The following SPATA13 variants were observed in gnomAD, a reference collection of about 807,000 sequenced individuals.
SPATA13 encodes the protein spermatogenesis-associated protein 13.
SPATA13 carries 50 observed loss-of-function variants against 104.0 expected under a neutral mutation model. The observed-to-expected ratio is 0.48, with a 90% confidence interval of 0.38 to 0.61. The LOEUF is 0.61. SPATA13 is among the 20% of genes least tolerant of loss of function. The pLI, the probability that SPATA13 is intolerant of heterozygous loss-of-function variation, is 0.00. For synonymous variants in SPATA13, 606 were observed against 667.5 expected, an observed-to-expected ratio of 0.91 and a Z score of 1.42; for missense variants, 1,524 against 1,690.6, an observed-to-expected ratio of 0.90 and a Z score of 1.73.
chr13:24,173,700 T>C (rs1428943561), intron 1 of SPATA13, among the ~76,000 whole-genome samples: 1 of 152,192 alleles, frequency 6.6e-6, no homozygotes, highest in Non-Finnish European at 1.5e-5. Flanking sequence ...ATGCTTTTTC[T>C]GTATCAGTTG....
At chr13:24,039,334 C>T (rs997744916) in intron 3 of SPATA13, among the ~76,000 whole-genome samples, 14 of 152,300 alleles carry the variant, frequency 9.2e-5, no homozygotes, top group African/African-American at 3.1e-4. Context: ...TGCAGACTTT[C>T]GTGGCAGGAA....
rs1047397849 is a variant in SPATA13, at chr13:24,069,695, T to C, written c.-112+51994T>C. Among the ~76,000 whole-genome samples, 14 of 152,354 alleles carry C rather than the reference T, an allele frequency of 9.2e-5. No individual in the cohort carries two copies. The East Asian group carries it at 1.5e-3, about 17-fold the overall frequency. On this transcript the variant is annotated intron_variant, in intron 3 of 14. Coordinates refer to the SPATA13 transcript ENST00000424834. ...ACATTCCAGGGGTGCATGCCTAACA[T>C]GCATTATTTTTGTTTGAACACGTAC...
At chr13:24,157,101 A>G (rs542750504), upstream of SPATA13, among the ~76,000 whole-genome samples, 1 of 152,090 alleles carries the variant, frequency 6.6e-6, no homozygotes, top group Non-Finnish European at 1.5e-5. Context: ...ACCTTAAGTT[A>G]CTTCCTCCAG....
intron 3 of SPATA13, among the ~76,000 whole-genome samples, chr13:24,098,846 G>A (rs1032644490): frequency 6.6e-6 from 1 of 150,722 alleles, no homozygotes. Flanking sequence ...AGAATTGCTT[G>A]AGCCCAGGAG....
At chr13:24,160,189 A>T (rs1416743638), upstream of SPATA13, among the ~76,000 whole-genome samples, 1 of 151,658 alleles carries the variant, frequency 6.6e-6, no homozygotes, top group African/African-American at 2.4e-5. Context: ...CGGAGATGAG[A>T]CTCCTCTTCC....
chr13:24,137,286 C>T (rs1881605256), intron 3 of SPATA13, among the ~76,000 whole-genome samples: 1 of 152,166 alleles, frequency 6.6e-6, no homozygotes, highest in African/African-American at 2.4e-5. Flanking sequence ...TGGGCTCCAG[C>T]CCTGGGTTTG....
chr13:24,229,272 T>A (rs1872125086), intron 2 of SPATA13, among the ~76,000 whole-genome samples: 1 of 152,196 alleles, frequency 6.6e-6, no homozygotes, highest in African/African-American at 2.4e-5. Context: ...AAAAAACTCT[T>A]AAATGATGAC....
At chr13:24,123,741 A>G in intron 3 of SPATA13, 3 of 1,507,638 alleles carry the variant, frequency 2.0e-6, no homozygotes, top group Non-Finnish European at 2.8e-6. Flanking sequence ...TGGAAAAATA[A>G]CATCTTGGAT....
chr13:24,059,064 T>A (rs1431129246), intron 3 of SPATA13, among the ~76,000 whole-genome samples: 1 of 151,712 alleles, frequency 6.6e-6, no homozygotes, highest in Non-Finnish European at 1.5e-5. Context: ...CTCTGCCTCC[T>A]GGGTTTACGC....
chr13:24,228,129 T>C (rs1194247125), intron 2 of SPATA13, among the ~76,000 whole-genome samples: 1 of 127,792 alleles, frequency 7.8e-6, no homozygotes, highest in Admixed American at 8.1e-5. Context: ...TTTTTTTTTT[T>C]TTGAGACGGA....
intron 3 of SPATA13, among the ~76,000 whole-genome samples, chr13:24,026,567 T>C (rs889408845): frequency 6.6e-6 from 1 of 152,176 alleles, no homozygotes; most frequent in Non-Finnish European, 1.5e-5. Flanking sequence ...GCTGTTTATT[T>C]ATTTGTTTAT....
At chr13:24,134,486 T>A (rs747311) in intron 3 of SPATA13, among the ~76,000 whole-genome samples, 4,845 of 152,272 alleles carry the variant, frequency 0.032, 205 homozygotes, top group African/African-American at 0.098. Context: ...GCAGCACATC[T>A]CTTTTTGGCA....
intron 3 of SPATA13, among the ~76,000 whole-genome samples, chr13:24,091,742 C>T (rs1232604715): frequency 5.9e-5 from 9 of 152,118 alleles, no homozygotes; most frequent in Non-Finnish European, 5.9e-5. Flanking sequence ...ACCTGGGAGG[C>T]GGAGGCTGCA....
chr13:24,290,691 C>T lies in SPATA13; in HGVS notation c.2887C>T (p.His963Tyr), dbSNP rs1335518351. 6.2e-7 allele frequency: 1 copy of T among 1,614,216 alleles called. No homozygotes were observed. The highest frequency in any genetic ancestry group is 1.3e-5 in the African/African-American group (1 of 75,064). ...CATCTATTCCGAGTACTGCAACAAC[C>T]ACCCGGGCGCCTGCCTGGAGCTCGC... ...FAIYSEYCNN[H>Y]PGACLELANL... Residue 963 changes from histidine to tyrosine, a missense_variant, in exon 9 of 13, where the codon CAC (histidine) becomes TAC (tyrosine). Coordinates refer to ENST00000382108, the MANE Select transcript of SPATA13 (RefSeq NM_001166271.3).
intron 1 of SPATA13, among the ~76,000 whole-genome samples, chr13:24,171,634 A>T (rs1220987596): frequency 3.3e-5 from 5 of 152,232 alleles, no homozygotes; most frequent in Non-Finnish European, 7.3e-5. Flanking sequence ...ATGTTCAGAC[A>T]GACTTCTGCA....
intron 3 of SPATA13, among the ~76,000 whole-genome samples, chr13:24,061,113 C>G (rs1001551434): frequency 6.6e-6 from 1 of 152,098 alleles, no homozygotes; most frequent in East Asian, 1.9e-4. Flanking sequence ...CTAACAGGCA[C>G]ATGAAAGAAA....
rs1876288633 is a variant in SPATA13, at chr13:24,290,708, G to A, written c.2904G>A (p.Leu968=). Residue 968 remains leucine (L), a synonymous_variant, in exon 9 of 13, where the codon CTG becomes CTA. Coordinates refer to ENST00000382108, the MANE Select transcript of SPATA13 (RefSeq NM_001166271.3). ...GCAACAACCACCCGGGCGCCTGCCT[G>A]GAGCTCGCCAACCTCATGAAGCAGG... The part of the protein sequence containing the change: ...EYCNNHPGAC[L]ELANLMKQGK... The A allele has an allele frequency of 6.2e-6, 10 of 1,614,204 alleles. No individual in the cohort carries two copies. The highest frequency in any genetic ancestry group is 8.5e-6 in the Non-Finnish European group (10 of 1,180,028).
At chr13:24,021,267 A>G (rs888067833) in intron 3 of SPATA13, among the ~76,000 whole-genome samples, 1 of 152,374 alleles carries the variant, frequency 6.6e-6, no homozygotes, top group East Asian at 1.9e-4. Flanking sequence ...GCATAAGGAA[A>G]GAAAGTTTGG....
intron 2 of SPATA13, among the ~76,000 whole-genome samples, chr13:23,999,750 AG>A (rs1489401496): frequency 6.6e-6 from 1 of 152,190 alleles, no homozygotes; most frequent in African/African-American, 2.4e-5. Context: ...TCTTATATTT[AG>A]GTTGCTTTTA....
Sources: allele counts gnomAD v4.1 joint callset (sites outside exome capture counted in the v4.1 genomes callset), GRCh38; gene constraint gnomAD v4.1.1; transcripts MANE v1.5; gene names NCBI Gene and HGNC (gene_info 2026-07-23, HGNC 2026-07-21).